The following DAP variants were observed in gnomAD, a reference collection of about 807,000 sequenced individuals.
The protein encoded by DAP is death associated protein.
Under a neutral mutation model 13.8 loss-of-function variants are expected in DAP, and 8 were observed. The observed-to-expected ratio is 0.58, with a 90% CI of 0.34 to 1.05. DAP has a LOEUF of 1.05. DAP is among the 50% of genes least tolerant of loss of function. DAP has a pLI of 0.03. For synonymous variants in DAP, 47 were observed against 47.5 expected (o/e 0.99, Z 0.04); for missense variants, 106 against 133.2 (o/e 0.80, Z 1.01).
intron 2 of DAP, among the ~76,000 whole-genome samples, chr5:10,729,695 C>A (rs192203410): frequency 6.6e-6 from 1 of 152,206 alleles, no homozygotes; most frequent in Non-Finnish European, 1.5e-5. Flanking sequence ...CACTCTTGAT[C>A]GTGCCTAGTT....
chr5:10,712,048 G>A (rs1738866661), intron 2 of DAP, among the ~76,000 whole-genome samples: 1 of 152,122 alleles, frequency 6.6e-6, no homozygotes, highest in Non-Finnish European at 1.5e-5. Flanking sequence ...TGGGGACAGG[G>A]CCTTTAAAGA....
chr5:10,706,631 C>T (rs1738703742), intron 2 of DAP, among the ~76,000 whole-genome samples: 4 of 152,218 alleles, frequency 2.6e-5, no homozygotes, highest in South Asian at 2.1e-4. Context: ...TAATCAGTGA[C>T]GAGGCAGTTG....
chr5:10,710,423 G>A (rs1342244130), intron 2 of DAP, among the ~76,000 whole-genome samples: 2 of 152,208 alleles, frequency 1.3e-5, no homozygotes, highest in East Asian at 3.8e-4. Flanking sequence ...TGCACTGAGA[G>A]GCCTCCTGGG....
chr5:10,707,417 A>G lies in DAP; in HGVS notation c.153-23846T>C, dbSNP rs1738724223. Among the ~76,000 whole-genome samples, 1 of 152,188 alleles carries G rather than the reference A, an allele frequency of 6.6e-6. No homozygotes were observed. The highest frequency in any genetic ancestry group is 6.5e-5 in the Admixed American group (1 of 15,288). ...GATTCATATTCAAAACCCCGTAACA[A>G]TGTGGCCCCAGCACTGAGCTGAGGG... is the stretch of plus-strand genomic sequence containing the variant. On this transcript the variant is annotated intron_variant, in intron 2 of 3. Transcript: ENST00000230895. This position sits in a 1 kb window ranked among gnomAD's most constrained non-coding sequence, Gnocchi z 4.0.
chr5:10,729,166 C>T (rs986649697), intron 2 of DAP, among the ~76,000 whole-genome samples: 1 of 152,192 alleles, frequency 6.6e-6, no homozygotes, highest in African/African-American at 2.4e-5. Flanking sequence ...TTCCCTCATG[C>T]CCACTTTCCA....
chr5:10,721,155 T>C (rs1410309735), intron 2 of DAP, among the ~76,000 whole-genome samples: 1 of 152,198 alleles, frequency 6.6e-6, no homozygotes, highest in East Asian at 1.9e-4. Flanking sequence ...TCCAAAAGGC[T>C]GTGTATGCTC....
intron 2 of DAP, among the ~76,000 whole-genome samples, chr5:10,724,464 C>T (rs1160639299): frequency 6.6e-6 from 1 of 152,188 alleles, no homozygotes; most frequent in East Asian, 1.9e-4. Context: ...TCTTGCACTA[C>T]AGATGAGGAA....
chr5:10,706,709 TAA>T (rs1301401071), intron 2 of DAP, among the ~76,000 whole-genome samples: 2 of 152,190 alleles, frequency 1.3e-5, no homozygotes, highest in East Asian at 3.8e-4. Context: ...TCGGATTTGA[TAA>T]AGACACACTT....
At chr5:10,731,321 C>A (rs367572481) in intron 2 of DAP, among the ~76,000 whole-genome samples, 1 of 152,146 alleles carries the variant, frequency 6.6e-6, no homozygotes, top group African/African-American at 2.4e-5. Flanking sequence ...CTACTGAGAG[C>A]CCTGCGGGTG....
intron 2 of DAP, among the ~76,000 whole-genome samples, chr5:10,723,528 T>C (rs776507579): frequency 2.0e-5 from 3 of 152,284 alleles, no homozygotes; most frequent in South Asian, 2.1e-4. Flanking sequence ...CATTGGGATA[T>C]TGGGGAAAGA....
intron 2 of DAP, among the ~76,000 whole-genome samples, chr5:10,693,534 C>T (rs1028399188): frequency 6.6e-6 from 1 of 152,230 alleles, no homozygotes; most frequent in South Asian, 2.1e-4. Flanking sequence ...GTATCTAACT[C>T]TCTTGGTCCT....
chr5:10,703,262 A>C (rs1165874626), intron 2 of DAP, among the ~76,000 whole-genome samples: 1 of 152,188 alleles, frequency 6.6e-6, no homozygotes, highest in East Asian at 1.9e-4. Flanking sequence ...AAACAATATG[A>C]ATGATGCTTA....
chr5:10,720,932 A>G (rs1316817939), intron 2 of DAP, among the ~76,000 whole-genome samples: 2 of 152,186 alleles, frequency 1.3e-5, no homozygotes, highest in Non-Finnish European at 1.5e-5. Context: ...ATCCACTGTC[A>G]TGGTATTCCA....
At chr5:10,728,673 A>C (rs1296706622) in intron 2 of DAP, among the ~76,000 whole-genome samples, 2 of 152,246 alleles carry the variant, frequency 1.3e-5, no homozygotes, top group African/African-American at 2.4e-5. Context: ...TTAATCACAC[A>C]CTAGGAAAAA....
At chr5:10,746,442 G>C (rs1447648870) in intron 2 of DAP, among the ~76,000 whole-genome samples, 1 of 150,776 alleles carries the variant, frequency 6.6e-6, no homozygotes, top group African/African-American at 2.4e-5. Flanking sequence ...GGGTTCTCCT[G>C]CCTCAGCCTC....
chr5:10,709,632 T>C (rs1314481129), intron 2 of DAP, among the ~76,000 whole-genome samples: 1 of 152,150 alleles, frequency 6.6e-6, no homozygotes, highest in Non-Finnish European at 1.5e-5. Context: ...CAAGCTAAGG[T>C]GCATAATGAA....
intron 2 of DAP, among the ~76,000 whole-genome samples, chr5:10,693,157 C>T (rs867360282): frequency 1.3e-5 from 2 of 149,662 alleles, no homozygotes; most frequent in East Asian, 1.9e-4. Flanking sequence ...CACACACGTG[C>T]GTAGTAGTAG....
intron 3 of DAP, among the ~76,000 whole-genome samples, chr5:10,682,730 G>A (rs956312754): frequency 1.3e-5 from 2 of 152,284 alleles, no homozygotes; most frequent in Non-Finnish European, 2.9e-5. Context: ...CACACTGGCA[G>A]GACAGCAAGA....
intron 1 of DAP, among the ~76,000 whole-genome samples, chr5:10,756,274 C>T (rs1740179365): frequency 7.1e-6 from 1 of 140,576 alleles, no homozygotes; most frequent in Non-Finnish European, 1.5e-5. Context: ...AGACCTCTTA[C>T]CTGGACCATT....
Sources: gnomAD v4.1 joint callset for allele counts (sites outside exome capture counted in the v4.1 genomes callset) on GRCh38, gnomAD v4.1.1 for gene constraint, Gnocchi (gnomAD v3.1) non-coding constraint, MANE v1.5 for transcripts, NCBI Gene and HGNC (gene_info 2026-07-23, HGNC 2026-07-21) for gene names.